Variants in KCNN2 observed in about 807,000 individuals in gnomAD.
The protein encoded by KCNN2 is potassium calcium-activated channel subfamily N member 2.
A neutral mutation model predicts 55.5 loss-of-function variants in KCNN2; 24 were observed. That is an observed-to-expected ratio of 0.43 (90% confidence interval 0.31 to 0.61). The LOEUF is 0.61. Among genes scored for constraint, KCNN2 ranks in the 20% least tolerant of loss-of-function variants. KCNN2 has a pLI of 0.08. For missense variants in KCNN2, 754 were observed against 853.6 expected (o/e 0.88, Z 1.45); for synonymous variants, 431 against 336.1 (o/e 1.28, Z -3.09).
intron 2 of KCNN2, among the ~76,000 whole-genome samples, chr5:114,351,494 G>T (rs992506034): frequency 6.6e-6 from 1 of 151,634 alleles, no homozygotes; most frequent in Non-Finnish European, 1.5e-5. Flanking sequence ...AATAAAAGTG[G>T]GAAGAACAAA....
At chr5:114,369,215 TAAAG>T (rs1379603968) in intron 2 of KCNN2, among the ~76,000 whole-genome samples, 1 of 152,200 alleles carries the variant, frequency 6.6e-6, no homozygotes, top group Non-Finnish European at 1.5e-5. Context: ...AAATATTTAT[TAAAG>T]AAATCTAAAA....
intron 1 of KCNN2, among the ~76,000 whole-genome samples, chr5:114,131,267 C>T (rs895360849): frequency 1.3e-5 from 2 of 152,102 alleles, no homozygotes; most frequent in Non-Finnish European, 2.9e-5. Context: ...GCTGGTTTTC[C>T]TGATGCTCTT....
At chr5:114,328,387 A>G (rs1228392693) in intron 2 of KCNN2, among the ~76,000 whole-genome samples, 1 of 152,166 alleles carries the variant, frequency 6.6e-6, no homozygotes, top group African/African-American at 2.4e-5. Context: ...ACGAAGTAGC[A>G]AGAGAAGAGA....
At chr5:114,084,555 A>C (rs1336240658) in intron 1 of KCNN2, among the ~76,000 whole-genome samples, 1 of 151,864 alleles carries the variant, frequency 6.6e-6, no homozygotes, top group Non-Finnish European at 1.5e-5. Context: ...AGTTCTTTGT[A>C]TATTTTCGAT....
intron 1 of KCNN2, among the ~76,000 whole-genome samples, chr5:114,111,160 C>G (rs1033518692): frequency 6.6e-6 from 1 of 152,084 alleles, no homozygotes; most frequent in Non-Finnish European, 1.5e-5. Flanking sequence ...GAACAGAGGC[C>G]TCAGAAATAA....
intron 1 of KCNN2, among the ~76,000 whole-genome samples, chr5:114,129,538 T>C (rs752606266): frequency 5.3e-5 from 8 of 152,218 alleles, no homozygotes; most frequent in Non-Finnish European, 5.9e-5. Context: ...ATCCTAATCA[T>C]AGAAGTCTTT....
chr5:114,268,142 T>G (rs780779295), intron 2 of KCNN2, among the ~76,000 whole-genome samples: 1 of 152,184 alleles, frequency 6.6e-6, no homozygotes, highest in East Asian at 1.9e-4. Flanking sequence ...TGCATTCTGG[T>G]AAACCATCTA....
chr5:114,252,773 ATGTG>A (rs943684298), intron 2 of KCNN2, among the ~76,000 whole-genome samples: 35 of 147,928 alleles, frequency 2.4e-4, no homozygotes, highest in Admixed American at 5.4e-4. Context: ...TCTGTGTAGC[ATGTG>A]TGTGTGTGTG....
intron 3 of KCNN2, among the ~76,000 whole-genome samples, chr5:114,407,488 G>A (rs1758973647): frequency 1.3e-5 from 2 of 151,674 alleles, no homozygotes; most frequent in South Asian, 4.2e-4. Context: ...TGTTAATTAT[G>A]GCTTTTTGAA....
chr5:114,163,249 G>T (rs1397288849), intron 1 of KCNN2, among the ~76,000 whole-genome samples: 1 of 152,120 alleles, frequency 6.6e-6, no homozygotes, highest in Non-Finnish European at 1.5e-5. Flanking sequence ...GGGATAGTTT[G>T]ACTTCCTGTC....
At chr5:114,103,842 G>A (rs1230589448) in intron 1 of KCNN2, among the ~76,000 whole-genome samples, 7 of 152,126 alleles carry the variant, frequency 4.6e-5, no homozygotes, top group Admixed American at 4.6e-4. Context: ...TTTTATTGAG[G>A]ATTTTCGCAT....
chr5:114,455,359 A>T (rs80076349), intron 3 of KCNN2, among the ~76,000 whole-genome samples: 1 of 152,230 alleles, frequency 6.6e-6, no homozygotes, highest in African/African-American at 2.4e-5. Context: ...TTACAATTCT[A>T]TTTATCTTGG....
At chr5:114,271,689 C>T (rs1029347608) in intron 2 of KCNN2, among the ~76,000 whole-genome samples, 8 of 152,142 alleles carry the variant, frequency 5.3e-5, no homozygotes, top group African/African-American at 1.7e-4. Flanking sequence ...ATTCTTCCTC[C>T]CCCTACTCTG....
chr5:114,288,166 A>G (rs982195227), intron 2 of KCNN2, among the ~76,000 whole-genome samples: 4 of 152,214 alleles, frequency 2.6e-5, no homozygotes, highest in Admixed American at 2.0e-4. Flanking sequence ...AAGTGAGAGC[A>G]TATATCAGTA....
chr5:114,370,807 T>C (rs1347234121), intron 2 of KCNN2, among the ~76,000 whole-genome samples: 3 of 152,034 alleles, frequency 2.0e-5, no homozygotes. Context: ...TTGTAAGGAT[T>C]TATGGATTCC....
At chr5:114,293,112 A>C (rs2150018727) in intron 2 of KCNN2, among the ~76,000 whole-genome samples, 1 of 152,324 alleles carries the variant, frequency 6.6e-6, no homozygotes, top group Admixed American at 6.5e-5. Context: ...GGGGTTTTCT[A>C]GATATACAAT....
intron 1 of KCNN2, among the ~76,000 whole-genome samples, chr5:114,147,315 A>G (rs1285273152): frequency 6.6e-6 from 1 of 152,142 alleles, no homozygotes; most frequent in African/African-American, 2.4e-5. Flanking sequence ...TGCCAGCACA[A>G]GGATGTAGAA....
At position 114,156,530 on chromosome 5, in the gene KCNN2, C is replaced by T. The variant is rs369222176; in HGVS notation, c.-270-64950C>T. On this transcript the variant is annotated intron_variant, in intron 1 of 10. Transcript: ENST00000512097. ...TATCCATGAGGATGGAAGGTTTTTC[C>T]ATTTGTTGGTGTCATTCCTGATTTC... is the stretch of plus-strand genomic sequence containing the variant. Among the ~76,000 whole-genome samples, 8 of 152,052 alleles carry T rather than the reference C, an allele frequency of 5.3e-5. No homozygotes were observed. In the East Asian group the frequency reaches 1.2e-3, roughly 22 times the overall value.
chr5:114,194,820 A>T (rs931228372), intron 1 of KCNN2, among the ~76,000 whole-genome samples: 8 of 151,862 alleles, frequency 5.3e-5, no homozygotes, highest in Non-Finnish European at 8.8e-5. Flanking sequence ...TTTAGCTCTT[A>T]CATTTAGGTC....
Sources: allele counts gnomAD v4.1 joint callset (sites outside exome capture counted in the v4.1 genomes callset), GRCh38; gene constraint gnomAD v4.1.1; transcripts MANE v1.5; gene names NCBI Gene and HGNC (gene_info 2026-07-23, HGNC 2026-07-21).